Variants in PRRC2A observed in about 807,000 individuals in gnomAD.
PRRC2A encodes proline rich coiled-coil 2A, also known as protein PRRC2A.
PRRC2A carries 59 observed loss-of-function variants against 224.6 expected under a neutral mutation model. That is an observed-to-expected ratio of 0.26 (90% confidence interval 0.21 to 0.33). The LOEUF is 0.33. PRRC2A is among the 10% of genes least tolerant of loss of function. The probability of loss-of-function intolerance (pLI) is 1.00; values close to 1 mark genes in which losing one functional copy is unlikely to be tolerated. For missense variants in PRRC2A, 3,095 were observed against 2,880.7 expected (o/e 1.07, Z -1.70); for synonymous variants, 1,194 against 1,109.5 (o/e 1.08, Z -1.51).
Position 31,625,050 on chromosome 6 carries a change from A to G in PRRC2A, c.464-121A>G, listed in dbSNP as rs888955368. On this transcript the variant is annotated intron_variant, in intron 5 of 30. Coordinates refer to ENST00000376033, the MANE Select transcript of PRRC2A (RefSeq NM_004638.4). This position sits in a 1 kb window ranked among gnomAD's most constrained non-coding sequence, Gnocchi z 4.1. ...CTTGACCTCGTGATCCGCCCGCCTC[A>G]GCCTCCCAGAGTGCTGGGATTACAG... 16 of 1,143,638 alleles carry G rather than the reference A, an allele frequency of 1.4e-5. 1 individual carries two copies. Among genetic ancestry groups the G allele is most frequent in the South Asian group, 8.7e-5 (6 of 68,996 alleles). The allele number at this position is 1,143,638 out of a possible 1,614,324, so 70.8% of individuals were successfully genotyped here.
Position 31,625,322 on chromosome 6 carries a change from G to A in PRRC2A, c.607+8G>A, listed in dbSNP as rs201397169. The A allele has an allele frequency of 3.1e-6, 5 of 1,613,976 alleles. No homozygotes were observed. The highest frequency in any genetic ancestry group is 3.4e-6 in the Non-Finnish European group (4 of 1,180,040). On this transcript the variant is annotated splice_region_variant and intron_variant, in intron 6 of 30. Transcript: ENST00000376033. The surrounding 1 kb of genome is among the most constrained non-coding windows in gnomAD (Gnocchi z 4.1). ...CAAGCCTCCGCCCCCAAAGTGAGTG[G>A]CTGCCTTTTGGCCAAGACATTACCT...
chr6:31,632,547 A>G lies in PRRC2A; in HGVS notation c.3874A>G (p.Thr1292Ala), dbSNP rs759943498. ...TCCTGGACCTGAGGAGGCCCTCACA[A>G]CAGTCACAGTGGCCCCAGCACCTCG... ...SAPGPEEALT[T>A]VTVAPAPRRA... The change falls in exon 16 of 31, where the codon ACA (threonine) becomes GCA (alanine). Residue 1292 changes from threonine to alanine, a missense_variant. Transcript: ENST00000376033. 1.2e-6 allele frequency: 2 copies of G among 1,611,460 alleles called. No homozygotes were observed. Among genetic ancestry groups the G allele is most frequent in the Non-Finnish European group, 1.7e-6 (2 of 1,179,056 alleles).
At position 31,633,930 on chromosome 6, in the gene PRRC2A, A is replaced by T; in HGVS notation, c.4660A>T (p.Ser1554Cys). The stretch of plus-strand genomic sequence containing the variant: ...GACTCCTCGGGACTCTGCCGGGGTT[A>T]GTCCCTTTCCCCCTAAACGTCGGGA... Reference protein sequence around the residue: ...GGTPRDSAGVSPFPPKRRERP... With the variant: ...GGTPRDSAGVCPFPPKRRERP... Residue 1554 changes from serine to cysteine, a missense_variant, in exon 18 of 31, where the codon AGT becomes TGT. By Grantham distance (112) the Ser-to-Cys change is moderately radical. Transcript: ENST00000376033. The T allele has an allele frequency of 6.3e-7, 1 of 1,591,914 alleles. No homozygotes were observed. The highest frequency in any genetic ancestry group is 8.5e-7 in the Non-Finnish European group (1 of 1,174,706).
intron 12 of PRRC2A, among the ~76,000 whole-genome samples, chr6:31,628,451 G>T (rs1188273123): frequency 2.6e-5 from 4 of 152,202 alleles, no homozygotes; most frequent in African/African-American, 9.7e-5. Flanking sequence ...TTTCTTGGCA[G>T]AGTACTGTAG....
At chr6:31,629,892 T>G (rs201321210) in intron 14 of PRRC2A, 47 bp downstream of exon 14, 1 of 1,604,200 alleles carries the variant, frequency 6.2e-7, no homozygotes, top group East Asian at 2.2e-5. Context: ...CCCCTCAGTC[T>G]TAGGCATTGG....
At chr6:31,634,112 A>G in intron 18 of PRRC2A, 123 bp downstream of exon 18, 1 of 1,567,960 alleles carries the variant, frequency 6.4e-7, no homozygotes, top group South Asian at 1.2e-5. Flanking sequence ...AATTCTCAGT[A>G]TTAGTCTCCC....
At position 31,636,886 on chromosome 6, in the gene PRRC2A, G is replaced by C; in HGVS notation, c.6088G>C (p.Ala2030Pro). ...GGCTGTGCGGCCCCCACCTGCTCCT[G>C]CTACTCGGGTGCTGCCTTCACCTGC... is the stretch of plus-strand genomic sequence containing the variant. ...SLAVRPPPAP[A>P]TRVLPSPARP... The change falls in exon 28 of 31, where the codon GCT (alanine) becomes CCT (proline). Residue 2030 changes from alanine (A) to proline (P), a missense_variant. Ala to Pro is a conservative substitution (Grantham distance 27). Coordinates refer to ENST00000376033, the MANE Select transcript of PRRC2A (RefSeq NM_004638.4). This position sits in a 1 kb window ranked among gnomAD's most constrained non-coding sequence, Gnocchi z 4.3. The C allele has an allele frequency of 1.2e-6, 2 of 1,612,998 alleles. No homozygotes were observed. Among genetic ancestry groups the C allele is most frequent in the Non-Finnish European group, 1.7e-6 (2 of 1,180,020 alleles).
chr6:31,635,626 T>C lies in PRRC2A; in HGVS notation c.5418T>C (p.Ala1806=), dbSNP rs1309864939. The change falls in exon 24 of 31, where the codon GCT becomes GCC. Residue 1806 remains alanine (A), a synonymous_variant. Transcript: ENST00000376033. ...ACTGGGAGCTGCTTCCCAGTGCTGC[T>C]GCCTCTGCTGAGCCACAATCCAAGA... ...SRDWELLPSA[A]ASAEPQSKNL... The C allele has an allele frequency of 6.2e-7, 1 of 1,612,714 alleles. No individual in the cohort carries two copies. Among genetic ancestry groups the C allele is most frequent in the East Asian group, 2.2e-5 (1 of 44,868 alleles).
Position 31,632,538 on chromosome 6 carries a change from G to A in PRRC2A, c.3865G>A (p.Ala1289Thr). 6.2e-7 allele frequency: 1 copy of A among 1,610,372 alleles called. No homozygotes were observed. The highest frequency in any genetic ancestry group is 8.5e-7 in the Non-Finnish European group (1 of 1,178,244). Residue 1289 changes from alanine (A) to threonine (T), a missense_variant, in exon 16 of 31, where the codon GCC becomes ACC. By Grantham distance (58) the Ala-to-Thr change is moderately conservative. Coordinates refer to ENST00000376033, the MANE Select transcript of PRRC2A (RefSeq NM_004638.4). ...LPASAPGPEEALTTVTVAPAP... is the reference protein window; with the variant it reads ...LPASAPGPEETLTTVTVAPAP... The stretch of plus-strand genomic sequence containing the variant: ...AGCCTCCGCTCCTGGACCTGAGGAG[G>A]CCCTCACAACAGTCACAGTGGCCCC...
Position 31,631,390 on chromosome 6 carries a change from T to G in PRRC2A, c.2717T>G (p.Val906Gly), listed in dbSNP as rs765233751. 6.2e-7 allele frequency: 1 copy of G among 1,605,754 alleles called. No individual in the cohort carries two copies. Among genetic ancestry groups the G allele is most frequent in the South Asian group, 1.1e-5 (1 of 90,312 alleles). The change falls in exon 16 of 31, where the codon GTC (valine) becomes GGC (glycine). Residue 906 changes from valine to glycine, a missense_variant. Coordinates refer to ENST00000376033, the MANE Select transcript of PRRC2A (RefSeq NM_004638.4). This position sits in a 1 kb window ranked among gnomAD's most constrained non-coding sequence, Gnocchi z 4.5. Reference protein sequence around the residue: ...PEAGRKPARGVGSGGQGPPPP... With the variant: ...PEAGRKPARGGGSGGQGPPPP... ...GCAGGCCGAAAGCCTGCCCGCGGAG[T>G]CGGGAGTGGAGGCCAGGGCCCCCCA...
At position 31,629,810 on chromosome 6, in the gene PRRC2A, C is replaced by T; in HGVS notation, c.2219C>T (p.Pro740Leu). 1.2e-6 allele frequency: 2 copies of T among 1,613,908 alleles called. No individual in the cohort carries two copies. The highest frequency in any genetic ancestry group is 1.7e-6 in the Non-Finnish European group (2 of 1,179,804). ...VDPRLLQGRP[P>L]LDFYPPGVHP... The stretch of plus-strand genomic sequence containing the variant: ...CCCCGGCTCCTCCAGGGTCGTCCCC[C>T]TCTAGACTTCTACCCTCCTGGTGTG... Residue 740 changes from proline to leucine, a missense_variant, in exon 14 of 31, where the codon CCT (proline) becomes CTT (leucine). This residue lies in a region of PRRC2A where 2,001 missense variants were observed against 1,764.9 expected (regional missense o/e 1.13). Transcript: ENST00000376033.
rs1329283147 is a variant in PRRC2A, at chr6:31,635,446, T to C, written c.5354T>C (p.Leu1785Pro). The C allele has an allele frequency of 1.9e-6, 3 of 1,614,018 alleles. No individual in the cohort carries two copies. Among genetic ancestry groups the C allele is most frequent in the Non-Finnish European group, 8.5e-7 (1 of 1,180,010 alleles). ...VGDSLKAEKE[L>P]TASVTEAIPV... ...GACAGCTTGAAAGCAGAGAAGGAGC[T>C]AACAGCATCAGTCACTGAGGTAAGT... is the stretch of plus-strand genomic sequence containing the variant. Residue 1785 changes from leucine (L) to proline (P), a missense_variant, in exon 23 of 31, where the codon CTA becomes CCA. Coordinates refer to ENST00000376033, the MANE Select transcript of PRRC2A (RefSeq NM_004638.4).
Position 31,633,542 on chromosome 6 carries a change from G to C in PRRC2A, c.4483G>C (p.Gly1495Arg). The change falls in exon 17 of 31, where the codon GGT (glycine) becomes CGT (arginine). Residue 1495 changes from glycine (G) to arginine (R), a missense_variant. Gly to Arg is a moderately radical substitution (Grantham distance 125). Coordinates refer to ENST00000376033, the MANE Select transcript of PRRC2A (RefSeq NM_004638.4). Reference protein sequence around the residue: ...SRQGSVTAPGGHPRHKPGLPQ... With the variant: ...SRQGSVTAPGRHPRHKPGLPQ... ...TCAAGGGAGTGTAACTGCACCAGGG[G>C]GTCATCCAAGGCACAAGCCTGGGCT... The C allele has an allele frequency of 6.2e-7, 1 of 1,613,056 alleles. No individual in the cohort carries two copies. The highest frequency in any genetic ancestry group is 8.5e-7 in the Non-Finnish European group (1 of 1,179,980).
chr6:31,633,116 C>T lies in PRRC2A; in HGVS notation c.4319+124C>T, dbSNP rs141569278. The T allele has an allele frequency of 4.5e-4, 591 of 1,315,098 alleles. 2 individuals carry two copies. In the African/African-American group the frequency reaches 5.3e-3, roughly 12 times the overall value. The allele number at this position is 1,315,098 out of a possible 1,614,324, so 81.5% of individuals were successfully genotyped here. A position where few individuals can be genotyped will look rare whatever the true frequency, so the allele number is the denominator to read the frequency against. On this transcript the variant is annotated intron_variant, in intron 16 of 30. Transcript: ENST00000376033. ...TGAGGGGCCATGGGCTCTAGAATGT[C>T]AGTAGGATTTCCATGTCTGGCTAAG... is the stretch of plus-strand genomic sequence containing the variant.
chr6:31,627,085 G>A lies in PRRC2A; in HGVS notation c.1177G>A (p.Ala393Thr). Residue 393 changes from alanine (A) to threonine (T), a missense_variant, in exon 11 of 31, where the codon GCA becomes ACA. Coordinates refer to ENST00000376033, the MANE Select transcript of PRRC2A (RefSeq NM_004638.4). This position sits in a 1 kb window ranked among gnomAD's most constrained non-coding sequence, Gnocchi z 5.6. Reference protein sequence around the residue: ...SEPPTPKTAWAETSRPPETEP... With the variant: ...SEPPTPKTAWTETSRPPETEP... ...ACCGCCCACTCCTAAGACGGCCTGG[G>A]CAGAAACCTCTCGGCCTCCAGAGAC... is the stretch of plus-strand genomic sequence containing the variant. The A allele has an allele frequency of 6.2e-7, 1 of 1,614,174 alleles. No individual in the cohort carries two copies. The highest frequency in any genetic ancestry group is 1.1e-5 in the South Asian group (1 of 91,084).
Position 31,623,831 on chromosome 6 carries a change from G to A in PRRC2A, c.212G>A (p.Gly71Asp). 6.2e-7 allele frequency: 1 copy of A among 1,614,198 alleles called. No individual in the cohort carries two copies. ...NLPSLKAENK[G>D]NDPNVSLVPK... ...CCAAGCCTGAAAGCCGAGAACAAAG[G>A]CAATGACCCCAATGTCTCACTAGTG... Residue 71 changes from glycine (G) to aspartate (D), a missense_variant, in exon 3 of 31, where the codon GGC becomes GAC. Gly to Asp is a moderately conservative substitution (Grantham distance 94). Around this residue, in one of 8 missense-constraint regions of PRRC2A, gnomAD observed 52 missense variants for 77.9 expected, o/e 0.67. Coordinates refer to ENST00000376033, the MANE Select transcript of PRRC2A (RefSeq NM_004638.4).
Position 31,636,829 on chromosome 6 carries a change from C to A in PRRC2A, c.6031C>A (p.Pro2011Thr). The change falls in exon 28 of 31, where the codon CCT becomes ACT. Residue 2011 changes from proline to threonine, a missense_variant. By Grantham distance (38) the Pro-to-Thr change is conservative. Around this residue, in one of 8 missense-constraint regions of PRRC2A, gnomAD observed 662 missense variants for 609.5 expected, o/e 1.09. Coordinates refer to ENST00000376033, the MANE Select transcript of PRRC2A (RefSeq NM_004638.4). This position sits in a 1 kb window ranked among gnomAD's most constrained non-coding sequence, Gnocchi z 4.3. ...TGCCCCACCTCCCCTTTCTCTGTTA[C>A]CTGTGGGCCCTGCTCTGCAGCCCCC... ...PPAPPPLSLL[P>T]VGPALQPPSL... 1 of 1,612,046 alleles carries A rather than the reference C, an allele frequency of 6.2e-7. No homozygotes were observed. Among genetic ancestry groups the A allele is most frequent in the Non-Finnish European group, 8.5e-7 (1 of 1,179,998 alleles).
Position 31,629,785 on chromosome 6 carries a change from C to A in PRRC2A, c.2194C>A (p.Pro732Thr). ...GATGATGATTCCTCCTTATGTGGACCCCCGGCTCCTCCAGGGTCGTCCCCC... is the reference window on the plus strand; with the variant it reads ...GATGATGATTCCTCCTTATGTGGACACCCGGCTCCTCCAGGGTCGTCCCCC... ...RWMMIPPYVDPRLLQGRPPLD... is the reference protein window; with the variant it reads ...RWMMIPPYVDTRLLQGRPPLD... Residue 732 changes from proline (P) to threonine (T), a missense_variant, in exon 14 of 31, where the codon CCC becomes ACC. Around this residue, in one of 8 missense-constraint regions of PRRC2A, gnomAD observed 2,001 missense variants for 1,764.9 expected, o/e 1.13. Coordinates refer to ENST00000376033, the MANE Select transcript of PRRC2A (RefSeq NM_004638.4). 1.2e-6 allele frequency: 2 copies of A among 1,613,796 alleles called. No individual in the cohort carries two copies. The highest frequency in any genetic ancestry group is 8.5e-7 in the Non-Finnish European group (1 of 1,179,846).
rs780258870 is a variant in PRRC2A at position 31,633,383 on chromosome 6, C to T, written c.4324C>T (p.Pro1442Ser). 4.3e-6 allele frequency: 7 copies of T among 1,612,122 alleles called. No homozygotes were observed. Among genetic ancestry groups the T allele is most frequent in the Non-Finnish European group, 5.9e-6 (7 of 1,179,404 alleles). The change falls in exon 17 of 31, where the codon CCT (proline) becomes TCT (serine). Residue 1442 changes from proline to serine, a missense_variant. Around this residue, in one of 8 missense-constraint regions of PRRC2A, gnomAD observed 2,001 missense variants for 1,764.9 expected, o/e 1.13. Coordinates refer to ENST00000376033, the MANE Select transcript of PRRC2A (RefSeq NM_004638.4). ...CTAATGCTCTGTTTTCTCCAGTCGT[C>T]CTCCAGAGGAGCGTCCCCCGGGGCT... ...SWPSPKNRSR[P>S]PEERPPGLPL...
Sources: gnomAD v4.1 joint callset for allele counts (sites outside exome capture counted in the v4.1 genomes callset) on GRCh38, gnomAD v4.1.1 for gene constraint, gnomAD v4.1.1 regional missense constraint, Gnocchi (gnomAD v3.1) non-coding constraint, MANE v1.5 for transcripts, NCBI Gene and HGNC (gene_info 2026-07-23, HGNC 2026-07-21) for gene names.